The following MRI1 variants were observed in gnomAD, a reference collection of about 807,000 sequenced individuals.
MRI1 encodes the protein methylthioribose-1-phosphate isomerase 1.
MRI1 carries 32 observed loss-of-function variants against 27.3 expected under a neutral mutation model. That is an observed-to-expected ratio of 1.17 (90% CI 0.88 to 1.57). The LOEUF is 1.57. MRI1 is among the 40% of genes most tolerant of loss of function. The pLI is 0.00. For missense variants in MRI1, 508 were observed against 516.1 expected (o/e 0.98, Z 0.15); for synonymous variants, 216 against 227.4 (o/e 0.95, Z 0.45).
At chr19:13,768,270 A>G in intron 3 of MRI1, 2 of 747,692 alleles carry the variant, frequency 2.7e-6, no homozygotes, top group South Asian at 3.0e-5. Flanking sequence ...AATGCTAAGG[A>G]CAGAGAGCAG....
Position 13,768,620 on chromosome 19 carries a change from C to T in MRI1, c.607C>T (p.Arg203Trp), listed in dbSNP as rs373288448. The T allele has an allele frequency of 2.7e-5, 43 of 1,613,134 alleles. No homozygotes were observed. The highest frequency in any genetic ancestry group is 3.4e-5 in the Non-Finnish European group (40 of 1,179,772). ...GGAGCATGCCTTCTGCACAGAGACC[C>T]GGCCCTACAACCAGGGAGCCCGGCT... ...RLEHAFCTET[R>W]PYNQGARLTA... The change falls in exon 4 of 6, where the codon CGG becomes TGG. Residue 203 changes from arginine (R) to tryptophan (W), a missense_variant. Arg to Trp is a moderately radical substitution (Grantham distance 101, BLOSUM62 -3). Coordinates refer to ENST00000040663, the MANE Select transcript of MRI1 (RefSeq NM_001031727.4).
intron 2 of MRI1, among the ~76,000 whole-genome samples, chr19:13,765,552 C>T (rs1974103712): frequency 6.6e-6 from 1 of 152,190 alleles, no homozygotes; most frequent in Non-Finnish European, 1.5e-5. Flanking sequence ...GCCTTACAGC[C>T]TTTGCACGTG....
chr19:13,771,298 C>T (rs1219601564), intron 5 of MRI1, among the ~76,000 whole-genome samples: 1 of 151,252 alleles, frequency 6.6e-6, no homozygotes, highest in East Asian at 2.0e-4. Flanking sequence ...ACCTGGGAGG[C>T]ACAGGTTGCA....
rs1314621421 is a variant in MRI1, at chr19:13,772,395, T to TC, written c.*115dup. The TC allele has an allele frequency of 9.8e-7, 1 of 1,021,866 alleles. No individual in the cohort carries two copies. The highest frequency in any genetic ancestry group is 1.6e-5 in the African/African-American group (1 of 60,896). The allele number at this position is 1,021,866 out of a possible 1,614,324, so 63.3% of individuals were successfully genotyped here. A position where few individuals can be genotyped will look rare whatever the true frequency, so the allele number is the denominator to read the frequency against. On this transcript the variant is annotated 3_prime_UTR_variant, in exon 6 of 6. Transcript: ENST00000040663. ...CACACTTGTTCCTAGTGCAGGGAGC[T>TC]CAGACAGGGCCTTCCATCTAGAGCC... is the stretch of plus-strand genomic sequence containing the variant.
At chr19:13,767,674 A>G (rs1207206527) in intron 3 of MRI1, among the ~76,000 whole-genome samples, 1 of 151,742 alleles carries the variant, frequency 6.6e-6, no homozygotes. Context: ...GTGTAGTGGT[A>G]TGCACCTGTG....
intron 5 of MRI1, among the ~76,000 whole-genome samples, 182 bp from the exon 6 acceptor site, chr19:13,771,939 C>T (rs902202506): frequency 2.0e-5 from 3 of 152,074 alleles, no homozygotes; most frequent in East Asian, 3.9e-4. Flanking sequence ...GGGGCAGTGG[C>T]GAGTCTAAAC....
chr19:13,765,888 G>A lies in MRI1; in HGVS notation c.372-66G>A, dbSNP rs920137262. Reference sequence around the variant, plus strand: ...GGCTCCAGGACAGCAGCGTTAGGCAGAGAGGAGGCGTTGGCCTGGGCCCCG... The same window carrying A: ...GGCTCCAGGACAGCAGCGTTAGGCAAAGAGGAGGCGTTGGCCTGGGCCCCG... On this transcript the variant is annotated intron_variant, in intron 2 of 5. Coordinates refer to ENST00000040663, the MANE Select transcript of MRI1 (RefSeq NM_001031727.4). 109 of 1,514,994 alleles carry A rather than the reference G, an allele frequency of 7.2e-5. 1 individual carries two copies. In the East Asian group the frequency reaches 2.5e-3, roughly 34 times the overall value. 93.8% of individuals were successfully genotyped at this position (1,514,994 alleles called of 1,614,324 possible).
At chr19:13,766,373 C>T (rs1220051946) in intron 3 of MRI1, among the ~76,000 whole-genome samples, 1 of 152,158 alleles carries the variant, frequency 6.6e-6, no homozygotes, top group Admixed American at 6.5e-5. Context: ...GTTCCATGGG[C>T]TGGCAGGCGG....
At chr19:13,765,698 C>T (rs1164926634) in intron 2 of MRI1, among the ~76,000 whole-genome samples, 1 of 152,236 alleles carries the variant, frequency 6.6e-6, no homozygotes, top group South Asian at 2.1e-4. Context: ...GGCTCACTCA[C>T]CCCAGTGTCA....
chr19:13,764,993 C>G lies in MRI1; in HGVS notation c.255C>G (p.Phe85Leu), dbSNP rs1213682214. ...CCTTCGTGCGCGACAAGCTGAGCTT[C>G]CTCGTCACCGCCCGGCCCACCGCTG... ...LVAFVRDKLSFLVTARPTAVN... is the reference protein window; with the variant it reads ...LVAFVRDKLSLLVTARPTAVN... Residue 85 changes from phenylalanine to leucine, a missense_variant, in exon 2 of 6, where the codon TTC (phenylalanine) becomes TTG (leucine). Phe to Leu is a conservative substitution (Grantham distance 22, BLOSUM62 0). Coordinates refer to ENST00000040663, the MANE Select transcript of MRI1 (RefSeq NM_001031727.4). 6.6e-7 allele frequency: 1 copy of G among 1,522,298 alleles called. No individual in the cohort carries two copies. The highest frequency in any genetic ancestry group is 1.4e-5 in the African/African-American group (1 of 71,116). 94.3% of individuals were successfully genotyped at this position (1,522,298 alleles called of 1,614,324 possible).
chr19:13,765,130 G>A, intron 2 of MRI1, 21 bp downstream of exon 2: 1 of 1,496,738 alleles, frequency 6.7e-7, no homozygotes, highest in Non-Finnish European at 8.9e-7. Context: ...CTGGTACCAG[G>A]CACGGCGCTG....
At chr19:13,771,062 T>TA (rs972586180) in intron 5 of MRI1, among the ~76,000 whole-genome samples, 58 of 150,708 alleles carry the variant, frequency 3.8e-4, no homozygotes, top group African/African-American at 1.2e-3. Context: ...CCACAATCTC[T>TA]AAAAAAATTG....
chr19:13,771,127 G>A (rs538511906), intron 5 of MRI1, among the ~76,000 whole-genome samples: 103 of 151,966 alleles, frequency 6.8e-4, no homozygotes, highest in African/African-American at 2.4e-3. Context: ...GGAGGCTGAG[G>A]CGGGCGGATC....
At chr19:13,765,393 C>T (rs537256097) in intron 2 of MRI1, among the ~76,000 whole-genome samples, 4 of 152,148 alleles carry the variant, frequency 2.6e-5, no homozygotes, top group Non-Finnish European at 5.9e-5. Flanking sequence ...CCTTGGAGGC[C>T]CTTTTTAGTA....
At chr19:13,770,360 G>T (rs955647874) in intron 5 of MRI1, among the ~76,000 whole-genome samples, 16 of 152,018 alleles carry the variant, frequency 1.1e-4, no homozygotes, top group Non-Finnish European at 2.4e-4. Flanking sequence ...GGAGGTGGGC[G>T]GATCACTTGA....
Position 13,765,109 on chromosome 19 carries a change from G to A in MRI1, c.371G>A (p.Arg124Lys). Reference protein sequence around the residue: ...EGATEEAVRERVICCTEDMLE... With the variant: ...EGATEEAVREKVICCTEDMLE... ...GCTACGGAAGAGGCGGTCCGGGAGA[G>A]GTACGGGGATCTGGTACCAGGCACG... is the stretch of plus-strand genomic sequence containing the variant. Residue 124 changes from arginine to lysine, a missense_variant and splice_region_variant, in exon 2 of 6, where the codon AGA becomes AAA. Transcript: ENST00000040663. 1.3e-6 allele frequency: 2 copies of A among 1,524,958 alleles called. No individual in the cohort carries two copies. Among genetic ancestry groups the A allele is most frequent in the Non-Finnish European group, 8.8e-7 (1 of 1,140,310 alleles). 94.5% of individuals were successfully genotyped at this position (1,524,958 alleles called of 1,614,324 possible).
intron 3 of MRI1, among the ~76,000 whole-genome samples, chr19:13,766,677 C>T (rs1300179391): frequency 6.6e-6 from 1 of 152,060 alleles, no homozygotes; most frequent in Non-Finnish European, 1.5e-5. Flanking sequence ...TCCCTACCTG[C>T]CTGAGTCCCA....
At chr19:13,770,286 C>T (rs1406000466) in intron 5 of MRI1, among the ~76,000 whole-genome samples, 1 of 152,180 alleles carries the variant, frequency 6.6e-6, no homozygotes, top group Admixed American at 6.5e-5. Flanking sequence ...ATGACTGGCC[C>T]TTTAAATAGT....
At position 13,768,572 on chromosome 19, in the gene MRI1, T is replaced by C. The variant is rs770652533; in HGVS notation, c.559T>C (p.Ser187Pro). The change falls in exon 4 of 6, where the codon TCA becomes CCA. Residue 187 changes from serine to proline, a missense_variant. By Grantham distance (74) the Ser-to-Pro change is moderately conservative (BLOSUM62 -1). Transcript: ENST00000040663. Reference sequence around the variant, plus strand: ...TGGGGCCCCCGCAGGTGTGATTCGCTCACTGCACAGCCTGGGCCGCCTGGA... The same window carrying C: ...TGGGGCCCCCGCAGGTGTGATTCGCCCACTGCACAGCCTGGGCCGCCTGGA... ...GYGTALGVIRSLHSLGRLEHA... is the reference protein window; with the variant it reads ...GYGTALGVIRPLHSLGRLEHA... 3.1e-6 allele frequency: 5 copies of C among 1,607,350 alleles called. No individual in the cohort carries two copies. In the South Asian group the frequency reaches 5.5e-5, roughly 18 times the overall value.
Sources: allele counts gnomAD v4.1 joint callset (sites outside exome capture counted in the v4.1 genomes callset), GRCh38; gene constraint gnomAD v4.1.1; transcripts MANE v1.5; gene names NCBI Gene and HGNC (gene_info 2026-07-23, HGNC 2026-07-21).